Variants in TXLNB observed in about 807,000 individuals in gnomAD.
The protein encoded by TXLNB is taxilin beta, also known as beta-taxilin.
TXLNB carries 37 observed loss-of-function variants against 57.4 expected under a neutral mutation model. The observed-to-expected ratio is 0.64, with a 90% CI of 0.50 to 0.85. The LOEUF (loss-of-function observed/expected upper bound fraction) is 0.85. Ranked by LOEUF, TXLNB falls within the 40% of genes least tolerant of loss-of-function variation. The pLI, the probability that TXLNB is intolerant of heterozygous loss-of-function variation, is 0.00. For missense variants in TXLNB, 848 were observed against 825.6 expected (o/e 1.03, Z -0.33); for synonymous variants, 302 against 309.6 (o/e 0.98, Z 0.26).
At chr6:139,183,557 A>C in the TXLNB span, 1 of 152,332 alleles carries the variant, frequency 6.6e-6, no homozygotes, top group East Asian at 1.9e-4. Context: ...GGCCTATATG[A>C]ATGGCACTTA....
the TXLNB span, among the ~76,000 whole-genome samples, chr6:139,312,100 T>C: frequency 7.2e-5 from 11 of 152,306 alleles, no homozygotes; most frequent in African/African-American, 2.6e-4. Context: ...TCCTATATCC[T>C]ATATGAGTTA....
the TXLNB span, among the ~76,000 whole-genome samples, chr6:139,172,115 G>T: frequency 6.6e-6 from 1 of 152,140 alleles, no homozygotes; most frequent in African/African-American, 2.4e-5. Context: ...ATAGGCGTGA[G>T]CCACTGCGCC....
At chr6:139,253,016 GTCTCATATTTCCT>G (rs1202772301) in intron 7 of TXLNB, among the ~76,000 whole-genome samples, 1 of 152,068 alleles carries the variant, frequency 6.6e-6, no homozygotes, top group East Asian at 1.9e-4. Flanking sequence ...AACTCCTGTT[GTCTCATATTTCCT>G]TCTCATATTT....
the TXLNB span, among the ~76,000 whole-genome samples, chr6:139,229,930 T>A: frequency 6.6e-6 from 1 of 152,216 alleles, no homozygotes; most frequent in Non-Finnish European, 1.5e-5. Context: ...CTTATTACTT[T>A]GTACTATTTC....
At chr6:139,171,973 G>T in the TXLNB span, among the ~76,000 whole-genome samples, 3 of 152,062 alleles carry the variant, frequency 2.0e-5, no homozygotes, top group African/African-American at 7.3e-5. Context: ...TGGGACTACA[G>T]GCGCCGCCAC....
At chr6:139,296,655 A>G (rs1055278939), upstream of TXLNB, among the ~76,000 whole-genome samples, 2 of 152,094 alleles carry the variant, frequency 1.3e-5, no homozygotes, top group African/African-American at 4.8e-5. Flanking sequence ...CTTTCTGGTT[A>G]AGCTTCTTCA....
chr6:139,242,793 T>G lies in TXLNB; in HGVS notation c.1788A>C (p.Gly596=). 1 of 1,614,104 alleles carries G rather than the reference T, an allele frequency of 6.2e-7. No homozygotes were observed. The highest frequency in any genetic ancestry group is 8.5e-7 in the Non-Finnish European group (1 of 1,180,010). ...TCCAGGACGCCTGATCAGCCTGTGC[T>G]CCAACAGGGAGACCCTCGCATTGGG... ...AETQCEGLPV[G]AQADQASWKP... Residue 596 remains glycine (G), a synonymous_variant, in exon 10 of 10, where the codon GGA becomes GGC. Coordinates refer to ENST00000358430, the MANE Select transcript of TXLNB (RefSeq NM_153235.4).
the TXLNB span, among the ~76,000 whole-genome samples, chr6:139,205,055 A>T: frequency 2.0e-5 from 3 of 151,790 alleles, no homozygotes; most frequent in Non-Finnish European, 2.9e-5. Context: ...AAGGACATAA[A>T]CTCTTGGGAG....
At chr6:139,216,961 A>C in the TXLNB span, among the ~76,000 whole-genome samples, 1 of 152,196 alleles carries the variant, frequency 6.6e-6, no homozygotes, top group African/African-American at 2.4e-5. Context: ...AGAAATCACC[A>C]CTAAAGAACT....
chr6:139,261,379 T>A (rs1776478146), intron 5 of TXLNB, among the ~76,000 whole-genome samples: 2 of 152,162 alleles, frequency 1.3e-5, no homozygotes, highest in Non-Finnish European at 1.5e-5. Flanking sequence ...GTTTCTTGAT[T>A]TACCTAACCA....
chr6:139,316,865 GA>G, the TXLNB span, among the ~76,000 whole-genome samples: 1 of 152,158 alleles, frequency 6.6e-6, no homozygotes, highest in Admixed American at 6.5e-5. Context: ...AAAGCAGAAG[GA>G]AAGGCCTAGA....
the TXLNB span, among the ~76,000 whole-genome samples, chr6:139,230,546 C>G: frequency 2.0e-5 from 3 of 152,216 alleles, no homozygotes; most frequent in Non-Finnish European, 4.4e-5. Context: ...AGGCCAGAAT[C>G]AATTTAGCCT....
rs1776519755 is a variant in TXLNB, at chr6:139,262,782, A to G, written c.688-9T>C. ...CGCTGAAGCGCCTCTTCCTGCGGAT[A>G]AAAAGCAAAACATTTTGTTTAAATG... On this transcript the variant is annotated splice_polypyrimidine_tract_variant and intron_variant, in intron 4 of 9. Transcript: ENST00000358430. The G allele has an allele frequency of 1.2e-6, 2 of 1,611,490 alleles. No homozygotes were observed. The highest frequency in any genetic ancestry group is 3.4e-5 in the Admixed American group (2 of 59,360).
chr6:139,226,901 C>G, the TXLNB span, among the ~76,000 whole-genome samples: 1 of 152,148 alleles, frequency 6.6e-6, no homozygotes, highest in African/African-American at 2.4e-5. Flanking sequence ...GTGGTGCACG[C>G]CCATAGTCCC....
At chr6:139,238,903 G>A (rs1775866355), downstream of TXLNB, among the ~76,000 whole-genome samples, 1 of 152,126 alleles carries the variant, frequency 6.6e-6, no homozygotes, top group African/African-American at 2.4e-5. Context: ...AGAGGAGAAT[G>A]GGCCAGGAAA....
chr6:139,265,844 A>G (rs1252219579), intron 4 of TXLNB, among the ~76,000 whole-genome samples: 2 of 152,204 alleles, frequency 1.3e-5, no homozygotes, highest in African/African-American at 4.8e-5. Context: ...TATAAAACAT[A>G]CCATCTTTCA....
the TXLNB span, chr6:139,176,891 G>GTGTT: frequency 1.2e-6 from 1 of 838,658 alleles, no homozygotes; most frequent in Non-Finnish European, 2.1e-6. This position sits in a 1 kb window ranked among gnomAD's most constrained non-coding sequence, Gnocchi z 4.5. Flanking sequence ...ACTTTGACAA[G>GTGTT]TGTTGGGAAG....
the TXLNB span, among the ~76,000 whole-genome samples, chr6:139,322,357 T>C: frequency 3.9e-3 from 599 of 152,268 alleles, 5 homozygotes; most frequent in African/African-American, 0.014. Context: ...GGGACAAGTG[T>C]TGTGTCCTCA....
At chr6:139,256,144 T>G (rs1395975293) in intron 6 of TXLNB, among the ~76,000 whole-genome samples, 1 of 152,122 alleles carries the variant, frequency 6.6e-6, no homozygotes, top group Non-Finnish European at 1.5e-5. Context: ...GATTCTCAAC[T>G]ATAAACTAGT....
Sources: gnomAD v4.1 joint callset for allele counts (sites outside exome capture counted in the v4.1 genomes callset) on GRCh38, gnomAD v4.1.1 for gene constraint, Gnocchi (gnomAD v3.1) non-coding constraint, MANE v1.5 for transcripts, NCBI Gene and HGNC (gene_info 2026-07-23, HGNC 2026-07-21) for gene names.